DNAH9: variants seen among roughly 807,000 people sequenced by gnomAD.
DNAH9 encodes DNAH9 variant protein.
In DNAH9, 345 loss-of-function variants were observed where a neutral mutation model predicts 471.6. The observed-to-expected ratio is 0.73, with a 90% CI of 0.67 to 0.80. DNAH9 has a LOEUF of 0.80. Among genes scored for constraint, DNAH9 ranks in the 30% least tolerant of loss-of-function variants. The pLI is 0.00. For missense variants in DNAH9, 5,407 were observed against 5,609.2 expected, an observed-to-expected ratio of 0.96 and a Z score of 1.15; for synonymous variants, 2,093 against 2,123.6, an observed-to-expected ratio of 0.99 and a Z score of 0.40.
intron 50 of DNAH9, among the ~76,000 whole-genome samples, chr17:11,863,416 G>A (rs951746316): frequency 2.0e-5 from 3 of 152,000 alleles, no homozygotes; most frequent in Non-Finnish European, 2.9e-5. Context: ...TGCTGGATTC[G>A]GTTTGCCAGT....
At chr17:11,862,730 C>T (rs1971905709) in intron 50 of DNAH9, among the ~76,000 whole-genome samples, 1 of 152,120 alleles carries the variant, frequency 6.6e-6, no homozygotes, top group South Asian at 2.1e-4. Context: ...TGAAGAGGTC[C>T]TTCACATCCC....
intron 26 of DNAH9, among the ~76,000 whole-genome samples, chr17:11,716,082 C>T (rs1424302712): frequency 2.3e-5 from 3 of 132,472 alleles, no homozygotes; most frequent in African/African-American, 6.1e-5. Flanking sequence ...TTTTCTTTCT[C>T]TTTTTTTTTT....
At chr17:11,764,243 T>G (rs1967838628) in intron 36 of DNAH9, among the ~76,000 whole-genome samples, 1 of 152,166 alleles carries the variant, frequency 6.6e-6, no homozygotes, top group Admixed American at 6.5e-5. Context: ...CCCCCAACCC[T>G]TCTTGTATTC....
intron 59 of DNAH9, 59 bp downstream of exon 59, chr17:11,894,555 A>T: frequency 1.3e-6 from 2 of 1,591,262 alleles, no homozygotes; most frequent in Non-Finnish European, 1.7e-6. Flanking sequence ...TACCTCTGAC[A>T]CTGGTCCCCA....
At chr17:11,629,701 C>T in intron 7 of DNAH9, 117 bp downstream of exon 7, 1 of 895,938 alleles carries the variant, frequency 1.1e-6, no homozygotes, top group Non-Finnish European at 1.7e-6. Context: ...TCTGTGGTCC[C>T]AGTGGTTTTG....
chr17:11,794,530 C>T (rs765849592), intron 42 of DNAH9, among the ~76,000 whole-genome samples: 4 of 152,128 alleles, frequency 2.6e-5, no homozygotes, highest in Admixed American at 6.5e-5. Flanking sequence ...CTTCTCCAGG[C>T]GAAATAGCCT....
intron 49 of DNAH9, among the ~76,000 whole-genome samples, chr17:11,837,732 G>T (rs1483436481): frequency 6.6e-6 from 1 of 152,186 alleles, no homozygotes; most frequent in Non-Finnish European, 1.5e-5. Context: ...AAAACCCGAA[G>T]ATGTCACCAT....
rs1444705988 is a variant in DNAH9, at chr17:11,752,865, A to G, written c.6643A>G (p.Asn2215Asp). 5.6e-6 allele frequency: 9 copies of G among 1,606,010 alleles called. No homozygotes were observed. The highest frequency in any genetic ancestry group is 1.7e-4 in the Middle Eastern group (1 of 6,016). ...CTCTTCCATCATGCGGGAGCTTGCC[A>G]ACATCACCCATGATGGGCCCAAGTG... Reference protein sequence around the residue: ...LFSSIMRELANITHDGPKWIL... With the variant: ...LFSSIMRELADITHDGPKWIL... Residue 2215 changes from asparagine (N) to aspartate (D), a missense_variant, in exon 33 of 69, where the codon AAC (asparagine) becomes GAC (aspartate). By Grantham distance (23) the Asn-to-Asp change is conservative (BLOSUM62 1). This residue lies in a region of DNAH9 where 4,636 missense variants were observed against 4,900.3 expected (regional missense o/e 0.95). Transcript: ENST00000262442.
intron 43 of DNAH9, 55 bp downstream of exon 43, chr17:11,797,848 G>A (rs1969302508): frequency 6.4e-7 from 1 of 1,555,650 alleles, no homozygotes; most frequent in Non-Finnish European, 8.7e-7. Flanking sequence ...CCCAATGACA[G>A]GGGTCTCATT....
At chr17:11,711,038 G>A (rs948375904) in intron 26 of DNAH9, among the ~76,000 whole-genome samples, 15 of 152,134 alleles carry the variant, frequency 9.9e-5, no homozygotes, top group Admixed American at 2.6e-4. Flanking sequence ...CTGGAAAGAT[G>A]GTCTCTATGC....
intron 50 of DNAH9, among the ~76,000 whole-genome samples, chr17:11,866,769 T>C (rs1175548917): frequency 1.3e-5 from 2 of 152,214 alleles, no homozygotes; most frequent in Admixed American, 1.3e-4. Flanking sequence ...CAGTTTGATC[T>C]CAGACTGCTG....
At chr17:11,713,736 T>C (rs576681764) in intron 26 of DNAH9, among the ~76,000 whole-genome samples, 2 of 152,352 alleles carry the variant, frequency 1.3e-5, no homozygotes, top group East Asian at 1.9e-4. Flanking sequence ...TTGTACAATA[T>C]ATTTATCTTC....
At chr17:11,883,497 G>A in intron 55 of DNAH9, 89 bp from the exon 56 acceptor site, 3 of 1,487,000 alleles carry the variant, frequency 2.0e-6, no homozygotes, top group South Asian at 2.6e-5. Context: ...TATCTTTAAG[G>A]CAAGGGACTC....
chr17:11,718,809 G>C (rs572689277), intron 26 of DNAH9, among the ~76,000 whole-genome samples: 1 of 152,312 alleles, frequency 6.6e-6, no homozygotes, highest in East Asian at 1.9e-4. Flanking sequence ...TGGAGTACTA[G>C]CTCAGCTGAG....
At chr17:11,719,213 AAG>A in intron 26 of DNAH9, 119 bp from the exon 27 acceptor site, 2 of 974,324 alleles carry the variant, frequency 2.1e-6, no homozygotes, top group Non-Finnish European at 3.0e-6. Flanking sequence ...GAGCGGGAAA[AAG>A]GGGCAGGGCT....
In DNAH9 at chr17:11,823,079, A is replaced by G. The variant is rs1489334120; in HGVS notation, c.9246+45A>G. ...TTCCACCTGCAGGGGACTTGGAGGG[A>G]GCTGAAGCAGCCCTTTCCAGTGAAC... is the stretch of plus-strand genomic sequence containing the variant. On this transcript the variant is annotated intron_variant, in intron 48 of 68. Transcript: ENST00000262442. The G allele has an allele frequency of 2.0e-6, 3 of 1,524,236 alleles. No individual in the cohort carries two copies. In the East Asian group the frequency reaches 7.1e-5, roughly 36 times the overall value. The allele number at this position is 1,524,236 out of a possible 1,614,324, so 94.4% of individuals were successfully genotyped here. A position where few individuals can be genotyped will look rare whatever the true frequency, so the allele number is the denominator to read the frequency against.
At position 11,721,996 on chromosome 17, in the gene DNAH9, A is replaced by G. The variant is rs551163602; in HGVS notation, c.5709+2506A>G. 1.0e-3 allele frequency among the ~76,000 whole-genome samples: 159 copies of G among 152,308 alleles called. 1 individual carries two copies. The highest frequency in any genetic ancestry group is 3.5e-3 in the African/African-American group (147 of 41,576). On this transcript the variant is annotated intron_variant, in intron 27 of 68. Coordinates refer to ENST00000262442, the MANE Select transcript of DNAH9 (RefSeq NM_001372.4). The stretch of plus-strand genomic sequence containing the variant: ...CCATTAGAATGTCAGCTTTAAAGCC[A>G]TGACCAAGTTCTATGTGTGGCCAAT...
At chr17:11,842,543 C>T (rs1220039796) in intron 49 of DNAH9, among the ~76,000 whole-genome samples, 2 of 152,136 alleles carry the variant, frequency 1.3e-5, no homozygotes, top group African/African-American at 4.8e-5. Flanking sequence ...CCCAAAACCT[C>T]AAAAGTAGGG....
chr17:11,965,060 A>C (rs1362809458), intron 68 of DNAH9, among the ~76,000 whole-genome samples: 2 of 152,188 alleles, frequency 1.3e-5, no homozygotes, highest in Non-Finnish European at 2.9e-5. Context: ...GCTAATCAAA[A>C]AGCTTAAAAG....
Sources: gnomAD v4.1 joint callset for allele counts (sites outside exome capture counted in the v4.1 genomes callset) on GRCh38, gnomAD v4.1.1 for gene constraint, gnomAD v4.1.1 regional missense constraint, MANE v1.5 for transcripts, NCBI Gene and HGNC (gene_info 2026-07-23, HGNC 2026-07-21) for gene names.